The following CDH18 variants were observed in gnomAD, a reference collection of about 807,000 sequenced individuals.
The protein encoded by CDH18 is cadherin 18, also known as cadherin-18.
In CDH18, 31 loss-of-function variants were observed where a neutral mutation model predicts 67.9. The ratio of observed to expected loss-of-function variants is 0.46; its 90% CI spans 0.34 to 0.62. The LOEUF is 0.62. CDH18 is among the 20% of genes least tolerant of loss of function. The pLI, the probability that CDH18 is intolerant of heterozygous loss-of-function variation, is 0.01. For synonymous variants in CDH18, 362 were observed against 347.2 expected (o/e 1.04, Z -0.48); for missense variants, 890 against 975.5 (o/e 0.91, Z 1.17).
chr5:19,641,206 C>A (rs929260642), intron 5 of CDH18, among the ~76,000 whole-genome samples: 1 of 148,708 alleles, frequency 6.7e-6, no homozygotes, highest in African/African-American at 2.5e-5. Flanking sequence ...TTAAAAAGCC[C>A]AACAAACAAA....
chr5:20,253,926 T>C (rs1451765668), intron 2 of CDH18, among the ~76,000 whole-genome samples: 1 of 151,960 alleles, frequency 6.6e-6, no homozygotes, highest in Non-Finnish European at 1.5e-5. Context: ...AGGATGAAAA[T>C]TCCCAGGGCA....
At chr5:19,894,887 T>C (rs1789142722) in intron 2 of CDH18, among the ~76,000 whole-genome samples, 1 of 152,172 alleles carries the variant, frequency 6.6e-6, no homozygotes, top group South Asian at 2.1e-4. Context: ...GAGGTTAGTC[T>C]TTAAGTCCTG....
chr5:19,520,730 T>A lies in CDH18; in HGVS notation c.1439A>T (p.Asp480Val). 6.2e-7 allele frequency: 1 copy of A among 1,613,322 alleles called. No homozygotes were observed. Among genetic ancestry groups the A allele is most frequent in the Non-Finnish European group, 8.5e-7 (1 of 1,179,362 alleles). The part of the protein sequence containing the change: ...SHVTVGIRVL[D>V]VNDNPPELAR... Reference sequence around the variant, plus strand: ...AAGTTCGGGTGGATTGTCATTGACATCCAGAACTCTAATACCCACTGTGAC... The same window carrying A: ...AAGTTCGGGTGGATTGTCATTGACAACCAGAACTCTAATACCCACTGTGAC... The change falls in exon 10 of 13, where the codon GAT becomes GTT. Residue 480 changes from aspartate (D) to valine (V), a missense_variant. Physicochemically the swap from Asp to Val is radical, Grantham distance 152. Coordinates refer to ENST00000382275, the MANE Select transcript of CDH18 (RefSeq NM_004934.5).
At chr5:20,560,913 T>A (rs1382518026) in intron 1 of CDH18, among the ~76,000 whole-genome samples, 3 of 151,958 alleles carry the variant, frequency 2.0e-5, no homozygotes, top group African/African-American at 7.3e-5. Context: ...ATCCTAAAAG[T>A]CAGCAGTAAG....
At position 19,903,541 on chromosome 5, in the gene CDH18, G is replaced by GTATATATATA. The variant is rs112818883; in HGVS notation, c.-256-64309_-256-64300dup. Among the ~76,000 whole-genome samples, 825 of 124,702 alleles carry GTATATATATA rather than the reference G, an allele frequency of 6.6e-3. 12 individuals carry two copies. The highest frequency in any genetic ancestry group is 0.016 in the African/African-American group (558 of 35,248). 81.8% of individuals were successfully genotyped at this position (124,702 alleles called of 152,430 possible). On this transcript the variant is annotated intron_variant, in intron 2 of 12. Transcript: ENST00000382275. Reference sequence around the variant, plus strand: ...CAAAATAATGACTCTGTGTGTGTGTGTATATATATATATATATATATATAT... The same window carrying GTATATATATA: ...CAAAATAATGACTCTGTGTGTGTGTGTATATATATATATATATATATATATATATATATAT...
intron 2 of CDH18, among the ~76,000 whole-genome samples, chr5:20,103,416 C>T (rs1746641220): frequency 6.6e-6 from 1 of 151,994 alleles, no homozygotes; most frequent in African/African-American, 2.4e-5. Flanking sequence ...AATGATACCA[C>T]TTTTAGGTGA....
At chr5:19,839,263 T>C (rs996640802) in intron 2 of CDH18, 21 bp from the exon 3 acceptor site, 4 of 387,810 alleles carry the variant, frequency 1.0e-5, no homozygotes, top group Non-Finnish European at 9.5e-6. Flanking sequence ...GAGAAAATTA[T>C]ATGTGTTACA....
chr5:19,509,018 G>A (rs1339044193), intron 10 of CDH18, among the ~76,000 whole-genome samples: 1 of 151,824 alleles, frequency 6.6e-6, no homozygotes, highest in Non-Finnish European at 1.5e-5. Context: ...GATTACAGGT[G>A]TAAGCCACCA....
At chr5:20,557,848 TATATA>T (rs1757987268) in intron 1 of CDH18, among the ~76,000 whole-genome samples, 1 of 116,114 alleles carries the variant, frequency 8.6e-6, no homozygotes, top group African/African-American at 3.2e-5. Flanking sequence ...GTAACATTGT[TATATA>T]ACATTTAATG....
intron 3 of CDH18, among the ~76,000 whole-genome samples, chr5:19,800,748 A>G (rs569140397): frequency 9.2e-5 from 14 of 152,300 alleles, no homozygotes; most frequent in African/African-American, 3.4e-4. Flanking sequence ...AAACTATTAT[A>G]GGTTGGTTTT....
intron 1 of CDH18, chr5:20,304,246 G>T (rs1032167761): frequency 2.5e-6 from 4 of 1,570,842 alleles, no homozygotes; most frequent in Non-Finnish European, 1.8e-6. Flanking sequence ...GCAATATGTT[G>T]CCTAAATTGG....
chr5:20,501,569 A>ATATATATATTATATATATATATT (rs1491455085), intron 1 of CDH18, among the ~76,000 whole-genome samples: 7 of 16,192 alleles, frequency 4.3e-4, no homozygotes, highest in Non-Finnish European at 7.4e-4. Flanking sequence ...ATATATATAT[A>ATATATATATTATATATATATATT]ATATATATAT....
At chr5:20,558,387 G>T (rs1377500591) in intron 1 of CDH18, among the ~76,000 whole-genome samples, 1 of 152,052 alleles carries the variant, frequency 6.6e-6, no homozygotes, top group Admixed American at 6.6e-5. Flanking sequence ...TATAAAAAAG[G>T]TTAGTATCTC....
intron 2 of CDH18, among the ~76,000 whole-genome samples, chr5:20,183,488 G>A (rs897066699): frequency 1.3e-5 from 2 of 151,700 alleles, no homozygotes; most frequent in African/African-American, 2.4e-5. Context: ...AATAGGCAAC[G>A]ATATTCTCCA....
At chr5:19,597,891 G>A (rs530704957) in intron 6 of CDH18, among the ~76,000 whole-genome samples, 1 of 151,708 alleles carries the variant, frequency 6.6e-6, no homozygotes, top group East Asian at 1.9e-4. Context: ...ATCTTTTTTT[G>A]TATTTTTTAT....
rs983037996 is a variant in CDH18 at position 20,529,381 on chromosome 5, T to C, written c.-580+46081A>G. 3.3e-5 allele frequency among the ~76,000 whole-genome samples: 5 copies of C among 151,306 alleles called. No individual in the cohort carries two copies. In the South Asian group the frequency reaches 6.2e-4, roughly 19 times the overall value. On this transcript the variant is annotated intron_variant, in intron 1 of 14. Coordinates refer to the CDH18 transcript ENST00000507958. ...ATTCCAAAGAATCGAAAAGGGGAAC[T>C]CCTTTAAAGAGGTCAGCATCATCCT... is the stretch of plus-strand genomic sequence containing the variant.
At chr5:20,191,953 G>T (rs1039773741) in intron 2 of CDH18, among the ~76,000 whole-genome samples, 3 of 152,052 alleles carry the variant, frequency 2.0e-5, no homozygotes, top group Non-Finnish European at 2.9e-5. Flanking sequence ...CACAATGGTT[G>T]CACTAATTTA....
intron 1 of CDH18, among the ~76,000 whole-genome samples, chr5:20,370,368 GC>G (rs1742881788): frequency 6.8e-6 from 1 of 148,034 alleles, no homozygotes; most frequent in Non-Finnish European, 1.5e-5. Context: ...AGTCTTATAT[GC>G]TAGAGTTATT....
intron 8 of CDH18, among the ~76,000 whole-genome samples, chr5:19,555,614 C>G (rs1403318384): frequency 6.6e-6 from 1 of 152,218 alleles, no homozygotes; most frequent in Non-Finnish European, 1.5e-5. Context: ...ACAGCAGCCA[C>G]AGCAAGACCT....
Sources: allele counts gnomAD v4.1 joint callset (sites outside exome capture counted in the v4.1 genomes callset), GRCh38; gene constraint gnomAD v4.1.1; transcripts MANE v1.5; gene names NCBI Gene and HGNC (gene_info 2026-07-23, HGNC 2026-07-21).